The following GABRB1 variants were observed in gnomAD, a reference collection of about 807,000 sequenced individuals.
GABRB1 encodes the protein gamma-aminobutyric acid type A receptor subunit beta1.
Under a neutral mutation model 51.6 loss-of-function variants are expected in GABRB1, and 17 were observed. The observed-to-expected ratio is 0.33, with a 90% CI of 0.23 to 0.49. GABRB1 has a LOEUF of 0.49. Among genes scored for constraint, GABRB1 ranks in the 20% least tolerant of loss-of-function variants. The pLI, the probability that GABRB1 is intolerant of heterozygous loss-of-function variation, is 0.99. For synonymous variants in GABRB1, 247 were observed against 218.9 expected (o/e 1.13, Z -1.14); for missense variants, 410 against 600.6 (o/e 0.68, Z 3.32).
At chr4:47,341,183 G>A (rs930883187) in intron 5 of GABRB1, among the ~76,000 whole-genome samples, 1 of 152,064 alleles carries the variant, frequency 6.6e-6, no homozygotes. Flanking sequence ...AGTCATTCAC[G>A]GACTTGGGGA....
chr4:47,398,952 G>A (rs1009143479), intron 5 of GABRB1, among the ~76,000 whole-genome samples: 1 of 152,122 alleles, frequency 6.6e-6, no homozygotes, highest in South Asian at 2.1e-4. Flanking sequence ...CACCACGTCC[G>A]GCTAATTTTC....
intron 4 of GABRB1, among the ~76,000 whole-genome samples, chr4:47,238,988 G>A (rs1217152472): frequency 1.3e-5 from 2 of 152,102 alleles, no homozygotes; most frequent in African/African-American, 4.8e-5. Flanking sequence ...TAAATTTATG[G>A]CTCACAAAAT....
At position 47,406,876 on chromosome 4, in the gene GABRB1, C is replaced by A; in HGVS notation, c.1030C>A (p.Gln344Lys). ...KGPQKKGASK[Q>K]DQSANEKNKL... Reference sequence around the variant, plus strand: ...CCCTCAGAAAAAGGGAGCTAGCAAACAAGACCAGAGTGCCAATGAGAAGAA... The same window carrying A: ...CCCTCAGAAAAAGGGAGCTAGCAAAAAAGACCAGAGTGCCAATGAGAAGAA... The change falls in exon 8 of 9, where the codon CAA becomes AAA. Residue 344 changes from glutamine (Q) to lysine (K), a missense_variant. By Grantham distance (53) the Gln-to-Lys change is moderately conservative (BLOSUM62 1). This residue lies in a region of GABRB1 where 181 missense variants were observed against 195.6 expected (regional missense o/e 0.93). Transcript: ENST00000295454. The A allele has an allele frequency of 6.2e-7, 1 of 1,614,070 alleles. No homozygotes were observed. Among genetic ancestry groups the A allele is most frequent in the Non-Finnish European group, 8.5e-7 (1 of 1,179,980 alleles).
intron 4 of GABRB1, among the ~76,000 whole-genome samples, chr4:47,186,950 T>G (rs1719205751): frequency 6.6e-6 from 1 of 151,918 alleles, no homozygotes. Context: ...CCTCCAGAAA[T>G]CCCTATGAGG....
chr4:47,394,207 G>C (rs753291512), intron 5 of GABRB1, among the ~76,000 whole-genome samples: 2 of 152,148 alleles, frequency 1.3e-5, no homozygotes, highest in Non-Finnish European at 2.9e-5. Flanking sequence ...ACTTGAAAAT[G>C]GGCCACCCAG....
chr4:47,276,528 T>C lies in GABRB1; in HGVS notation c.462-43599T>C, dbSNP rs538350633. Among the ~76,000 whole-genome samples, 10 of 152,244 alleles carry C rather than the reference T, an allele frequency of 6.6e-5. No homozygotes were observed. In the South Asian group the frequency reaches 2.1e-3, roughly 32 times the overall value. Reference sequence around the variant, plus strand: ...CAAGGACTCAAAAGAAAATAATTTGTATAATGCATTATTCCTTTTTATACA... The same window carrying C: ...CAAGGACTCAAAAGAAAATAATTTGCATAATGCATTATTCCTTTTTATACA... On this transcript the variant is annotated intron_variant, in intron 4 of 8. Transcript: ENST00000295454.
At chr4:47,246,567 T>C (rs932406759) in intron 4 of GABRB1, among the ~76,000 whole-genome samples, 1 of 150,864 alleles carries the variant, frequency 6.6e-6, no homozygotes. Flanking sequence ...CTGGGTCAAA[T>C]GGTAGTTCTA....
At chr4:47,149,122 A>G (rs2109711399) in intron 3 of GABRB1, among the ~76,000 whole-genome samples, 1 of 152,090 alleles carries the variant, frequency 6.6e-6, no homozygotes, top group South Asian at 2.1e-4. Context: ...CTCCAACTCT[A>G]TATGGTGGTT....
At chr4:47,136,050 A>G (rs1716635421) in intron 3 of GABRB1, among the ~76,000 whole-genome samples, 1 of 152,026 alleles carries the variant, frequency 6.6e-6, no homozygotes, top group Admixed American at 6.6e-5. Context: ...GAGTGCAGTA[A>G]CACAATCATA....
intron 5 of GABRB1, among the ~76,000 whole-genome samples, chr4:47,375,858 C>A (rs1727356893): frequency 2.6e-5 from 4 of 152,140 alleles, no homozygotes; most frequent in African/African-American, 9.7e-5. Context: ...TCAAGGATAA[C>A]TCCCAAAGGT....
At chr4:47,063,196 C>T (rs1726917202) in intron 3 of GABRB1, among the ~76,000 whole-genome samples, 1 of 152,148 alleles carries the variant, frequency 6.6e-6, no homozygotes, top group Non-Finnish European at 1.5e-5. Flanking sequence ...CCGATGCAGG[C>T]CTTGAACGTG....
At chr4:47,303,067 G>T (rs961241316) in intron 4 of GABRB1, among the ~76,000 whole-genome samples, 26 of 151,878 alleles carry the variant, frequency 1.7e-4, no homozygotes, top group Non-Finnish European at 3.8e-4. Flanking sequence ...TTTAGTTTGA[G>T]AGGTGGTGGT....
intron 4 of GABRB1, among the ~76,000 whole-genome samples, chr4:47,213,985 G>A (rs1481869659): frequency 6.6e-6 from 1 of 151,822 alleles, no homozygotes; most frequent in African/African-American, 2.4e-5. Flanking sequence ...CCTTCTCTCT[G>A]TTCATCCCCG....
intron 8 of GABRB1, among the ~76,000 whole-genome samples, chr4:47,419,399 G>A (rs978052861): frequency 1.1e-4 from 16 of 152,170 alleles, no homozygotes; most frequent in African/African-American, 3.1e-4. Flanking sequence ...CTTCAGGAAG[G>A]AGATGAAAGA....
chr4:47,288,188 T>C (rs1723583948), intron 4 of GABRB1, among the ~76,000 whole-genome samples: 1 of 152,126 alleles, frequency 6.6e-6, no homozygotes, highest in Admixed American at 6.5e-5. Context: ...GTGTAGTATG[T>C]CTGCACCACC....
At chr4:47,172,776 G>A (rs1306552876) in intron 4 of GABRB1, among the ~76,000 whole-genome samples, 1 of 151,260 alleles carries the variant, frequency 6.6e-6, no homozygotes, top group Admixed American at 6.6e-5. Flanking sequence ...CATGTAGCTG[G>A]GATTACAGGC....
chr4:47,030,243 C>T (rs1459496238), upstream of GABRB1, among the ~76,000 whole-genome samples: 2 of 151,968 alleles, frequency 1.3e-5, no homozygotes, highest in African/African-American at 2.4e-5. Flanking sequence ...ATATTTTTCC[C>T]CCAGTTATTC....
At chr4:47,410,671 A>G (rs1044673816) in intron 8 of GABRB1, among the ~76,000 whole-genome samples, 2 of 152,226 alleles carry the variant, frequency 1.3e-5, no homozygotes, top group African/African-American at 2.4e-5. Flanking sequence ...ACAAATACCA[A>G]GGAGCACAGA....
At chr4:47,019,281 A>T (rs921994061) in intron 1 of GABRB1, among the ~76,000 whole-genome samples, 2 of 151,730 alleles carry the variant, frequency 1.3e-5, no homozygotes, top group African/African-American at 4.8e-5. Context: ...TTTTCTTTCT[A>T]CCTGTTTCTT....
Sources: gnomAD v4.1 joint callset for allele counts (sites outside exome capture counted in the v4.1 genomes callset) on GRCh38, gnomAD v4.1.1 for gene constraint, gnomAD v4.1.1 regional missense constraint, MANE v1.5 for transcripts, NCBI Gene and HGNC (gene_info 2026-07-23, HGNC 2026-07-21) for gene names.